The following CPVL variants were observed in gnomAD, a reference collection of about 807,000 sequenced individuals.
CPVL encodes carboxypeptidase vitellogenic like, also known as probable serine carboxypeptidase CPVL.
In CPVL, 51 loss-of-function variants were observed where a neutral mutation model predicts 63.7. The observed-to-expected ratio is 0.80, with a 90% CI of 0.64 to 1.01. The LOEUF (loss-of-function observed/expected upper bound fraction) is 1.01. Among genes scored for constraint, CPVL ranks in the 50% least tolerant of loss-of-function variants. CPVL has a pLI of 0.00. For synonymous variants in CPVL, 195 were observed against 206.0 expected (o/e 0.95, Z 0.46); for missense variants, 530 against 573.1 (o/e 0.92, Z 0.77).
chr7:29,086,680 G>A (rs1226362597), intron 6 of CPVL, 130 bp from the exon 7 acceptor site: 1 of 686,822 alleles, frequency 1.5e-6, no homozygotes, highest in Non-Finnish European at 2.6e-6. Flanking sequence ...ACTCTGCTAT[G>A]AGCTCCTGTA....
intron 11 of CPVL, among the ~76,000 whole-genome samples, chr7:29,037,910 T>C (rs1271738434): frequency 1.3e-5 from 2 of 152,142 alleles, no homozygotes; most frequent in Non-Finnish European, 2.9e-5. Context: ...CTCCTCTAAA[T>C]AGTGGAAATA....
Position 29,066,071 on chromosome 7 carries a change from GAAGT to G in CPVL, c.911_914del (p.Tyr304SerfsTer26). 6.2e-7 allele frequency: 1 copy of G among 1,608,654 alleles called. No homozygotes were observed. The highest frequency in any genetic ancestry group is 8.5e-7 in the Non-Finnish European group (1 of 1,176,600). ...AATTACTACATCCTGTAACATTCTGGAAGTAAGAAGGATCACTTGTTAAGTCGCC... is the reference window on the plus strand; with the variant it reads ...AATTACTACATCCTGTAACATTCTGGAAGAAGGATCACTTGTTAAGTCGCC... On this transcript the variant is annotated frameshift_variant, in exon 10 of 13. Coordinates refer to ENST00000265394, the MANE Select transcript of CPVL (RefSeq NM_031311.5). LOFTEE classifies it high-confidence loss of function.
intron 1 of CPVL, among the ~76,000 whole-genome samples, chr7:29,132,288 G>A (rs960618605): frequency 1.3e-5 from 2 of 152,130 alleles, no homozygotes; most frequent in African/African-American, 4.8e-5. Context: ...GGAGTGGTTC[G>A]AAGGGGGATC....
chr7:29,076,874 A>C (rs939874292), intron 7 of CPVL, among the ~76,000 whole-genome samples: 4 of 152,244 alleles, frequency 2.6e-5, no homozygotes, highest in Non-Finnish European at 5.9e-5. Context: ...GCTGAATAGT[A>C]GTTTTGAATC....
intron 11 of CPVL, among the ~76,000 whole-genome samples, chr7:29,043,086 A>C (rs1789278833): frequency 6.6e-6 from 1 of 152,162 alleles, no homozygotes; most frequent in African/African-American, 2.4e-5. Context: ...AAGAACCAGA[A>C]AAGCTACTGC....
At chr7:29,032,740 C>T (rs1584044327) in intron 11 of CPVL, among the ~76,000 whole-genome samples, 1 of 152,216 alleles carries the variant, frequency 6.6e-6, no homozygotes, top group African/African-American at 2.4e-5. Context: ...TCCATGGCCA[C>T]TACAGGCAGC....
intron 12 of CPVL, among the ~76,000 whole-genome samples, chr7:29,024,238 A>G (rs942788222): frequency 6.6e-6 from 1 of 152,228 alleles, no homozygotes; most frequent in African/African-American, 2.4e-5. Context: ...GAGATCAAGC[A>G]GAATACTTTT....
intron 11 of CPVL, among the ~76,000 whole-genome samples, chr7:29,053,846 A>C (rs115007798): frequency 0.014 from 2,038 of 150,820 alleles, 45 homozygotes; most frequent in African/African-American, 0.047. Flanking sequence ...TGAGGCCAGG[A>C]GTTTGACACC....
intron 11 of CPVL, among the ~76,000 whole-genome samples, chr7:29,042,189 T>C (rs1453252663): frequency 6.6e-6 from 1 of 152,132 alleles, no homozygotes; most frequent in Non-Finnish European, 1.5e-5. Flanking sequence ...CAGCAGATAC[T>C]CCCATAATAG....
chr7:29,137,610 T>C (rs1422918257), intron 1 of CPVL, among the ~76,000 whole-genome samples: 2 of 152,192 alleles, frequency 1.3e-5, no homozygotes, highest in Admixed American at 1.3e-4. Flanking sequence ...CCAGCTTACT[T>C]GTCTATGTGT....
At chr7:29,118,032 C>T (rs765348855) in intron 2 of CPVL, among the ~76,000 whole-genome samples, 2 of 152,216 alleles carry the variant, frequency 1.3e-5, no homozygotes, top group Non-Finnish European at 2.9e-5. Flanking sequence ...TTAGTATGCA[C>T]TGCCTAATTC....
chr7:29,042,069 G>A (rs1038274124), intron 11 of CPVL, among the ~76,000 whole-genome samples: 9 of 151,974 alleles, frequency 5.9e-5, no homozygotes, highest in East Asian at 5.8e-4. Flanking sequence ...CAATAGCTGC[G>A]AAGTAACAGA....
chr7:29,104,419 C>T (rs1787520323), intron 3 of CPVL, among the ~76,000 whole-genome samples: 1 of 152,072 alleles, frequency 6.6e-6, no homozygotes, highest in South Asian at 2.1e-4. Context: ...TGCCACAGCC[C>T]CTGGCTAATT....
intron 1 of CPVL, chr7:29,122,663 AAG>A (rs1789502229): frequency 7.7e-6 from 1 of 129,246 alleles, no homozygotes; most frequent in Non-Finnish European, 1.7e-5. Flanking sequence ...CTTGAATCAA[AAG>A]AGTGTCTCAT....
chr7:29,077,327 C>T (rs922075539), intron 7 of CPVL, among the ~76,000 whole-genome samples: 1 of 152,188 alleles, frequency 6.6e-6, no homozygotes, highest in Non-Finnish European at 1.5e-5. Context: ...CACTTATACA[C>T]TCATTCTCTG....
chr7:29,065,436 C>T (rs747376908), intron 10 of CPVL, among the ~76,000 whole-genome samples: 2 of 149,728 alleles, frequency 1.3e-5, no homozygotes, highest in South Asian at 4.3e-4. Context: ...AATTCAAACA[C>T]CTACTTTGGC....
intron 9 of CPVL, among the ~76,000 whole-genome samples, chr7:29,070,141 G>C (rs1184032951): frequency 6.6e-6 from 1 of 152,172 alleles, no homozygotes; most frequent in African/African-American, 2.4e-5. Context: ...TGGTCAAAAA[G>C]ACATTCCAAG....
intron 11 of CPVL, among the ~76,000 whole-genome samples, chr7:29,051,630 A>C (rs995983107): frequency 6.6e-6 from 1 of 152,184 alleles, no homozygotes; most frequent in Non-Finnish European, 1.5e-5. Context: ...ATCAGGGAAC[A>C]CTTCTACACT....
chr7:28,995,898 T>C lies in CPVL; in HGVS notation c.1321-16A>G. ...GAATAATTACCTTAAAAAGAAAAAG[T>C]AAAAGAACGGAAATTTAGAGAAATG... On this transcript the variant is annotated splice_polypyrimidine_tract_variant and intron_variant, in intron 12 of 12. Coordinates refer to ENST00000265394, the MANE Select transcript of CPVL (RefSeq NM_031311.5). 2.1e-6 allele frequency: 3 copies of C among 1,424,110 alleles called. No homozygotes were observed. The highest frequency in any genetic ancestry group is 2.9e-6 in the Non-Finnish European group (3 of 1,033,248). The allele number at this position is 1,424,110 out of a possible 1,614,324, so 88.2% of individuals were successfully genotyped here.
Sources: allele counts gnomAD v4.1 joint callset (sites outside exome capture counted in the v4.1 genomes callset), GRCh38; gene constraint gnomAD v4.1.1; transcripts MANE v1.5; gene names NCBI Gene and HGNC (gene_info 2026-07-23, HGNC 2026-07-21).